Variants in PXDNL observed in about 807,000 individuals in gnomAD.
PXDNL encodes the protein peroxidasin like.
Under a neutral mutation model 150.8 loss-of-function variants are expected in PXDNL, and 145 were observed. The observed-to-expected ratio is 0.96, with a 90% CI of 0.84 to 1.10. PXDNL has a LOEUF of 1.10. PXDNL is among the 50% of genes least tolerant of loss of function. The pLI is 0.00. For synonymous variants in PXDNL, 757 were observed against 725.7 expected, an observed-to-expected ratio of 1.04 and a Z score of -0.69; for missense variants, 2,087 against 1,873.9, an observed-to-expected ratio of 1.11 and a Z score of -2.10.
intron 7 of PXDNL, 46 bp downstream of exon 7, chr8:51,474,926 A>C (rs6997795): frequency 0.14 from 203,056 of 1,435,362 alleles, 17,585 homozygotes; most frequent in African/African-American, 0.4. Context: ...AAAAGAGAGC[A>C]AATGAGAGAC....
rs1041973971 is a variant in PXDNL, at chr8:51,449,082, A to T, written c.1286T>A (p.Val429Glu). 1.3e-6 allele frequency: 2 copies of T among 1,552,542 alleles called. No homozygotes were observed. Among genetic ancestry groups the T allele is most frequent in the African/African-American group, 1.4e-5 (1 of 73,134 alleles). Reference protein sequence around the residue: ...PQFTVTPKDQVVLEEHAVEWL... With the variant: ...PQFTVTPKDQEVLEEHAVEWL... The stretch of plus-strand genomic sequence containing the variant: ...CTCTACAGCATGTTCTTCCAGCACC[A>T]CTTGATCCTTGGGGGTTACTGTAAA... Residue 429 changes from valine to glutamate, a missense_variant, in exon 11 of 23, where the codon GTG (valine) becomes GAG (glutamate). Physicochemically the swap from Val to Glu is moderately radical, Grantham distance 121 (BLOSUM62 -2). Transcript: ENST00000356297.
At chr8:51,363,549 G>C (rs140473906) in intron 19 of PXDNL, among the ~76,000 whole-genome samples, 1 of 152,258 alleles carries the variant, frequency 6.6e-6, no homozygotes, top group Non-Finnish European at 1.5e-5. Context: ...GAATGGAACA[G>C]AACAGGACAG....
intron 11 of PXDNL, 25 bp downstream of exon 11, chr8:51,448,977 C>T (rs1454392333): frequency 1.6e-6 from 2 of 1,242,392 alleles, no homozygotes; most frequent in South Asian, 2.6e-5. Flanking sequence ...TTTTTCCCCA[C>T]AATTACCTGC....
intron 17 of PXDNL, among the ~76,000 whole-genome samples, chr8:51,395,375 G>A (rs1808049511): frequency 6.6e-6 from 1 of 152,164 alleles, no homozygotes. Context: ...ATTCACTTGT[G>A]CTGCCTCTCC....
intron 4 of PXDNL, among the ~76,000 whole-genome samples, chr8:51,543,710 CAAAAAAAAAAAA>C (rs572642373): frequency 1.7e-5 from 1 of 60,442 alleles, no homozygotes; most frequent in Admixed American, 2.1e-4. Context: ...GACTCCATAT[CAAAAAAAAAAAA>C]AAAAAAAAAG....
chr8:51,689,120 T>TGCCA (rs1401898420), intron 1 of PXDNL, among the ~76,000 whole-genome samples: 1 of 152,202 alleles, frequency 6.6e-6, no homozygotes, highest in Non-Finnish European at 1.5e-5. Context: ...AACAGCAGGT[T>TGCCA]GCCAGCCCAC....
intron 4 of PXDNL, among the ~76,000 whole-genome samples, chr8:51,556,076 A>G (rs1222683804): frequency 6.6e-6 from 1 of 152,064 alleles, no homozygotes; most frequent in Non-Finnish European, 1.5e-5. Context: ...GTTCAAGACC[A>G]GACTGGCCAA....
intron 10 of PXDNL, among the ~76,000 whole-genome samples, chr8:51,451,637 T>C (rs1809810410): frequency 6.6e-6 from 1 of 152,200 alleles, no homozygotes; most frequent in African/African-American, 2.4e-5. Flanking sequence ...ATATCTTTCA[T>C]TGAAGCTTTT....
At chr8:51,649,603 A>T (rs1368524277) in intron 2 of PXDNL, among the ~76,000 whole-genome samples, 1 of 152,166 alleles carries the variant, frequency 6.6e-6, no homozygotes, top group African/African-American at 2.4e-5. Context: ...ATAAAGAGAA[A>T]ATCCCCTTAT....
intron 19 of PXDNL, among the ~76,000 whole-genome samples, chr8:51,366,043 T>G (rs560527814): frequency 6.6e-6 from 1 of 152,308 alleles, no homozygotes; most frequent in South Asian, 2.1e-4. Context: ...CACACAAAAT[T>G]ACTTGACATT....
chr8:51,769,265 C>A (rs1192496906), intron 1 of PXDNL, among the ~76,000 whole-genome samples: 1 of 152,098 alleles, frequency 6.6e-6, no homozygotes, highest in African/African-American at 2.4e-5. Flanking sequence ...TAGTTGAGAC[C>A]CAGAATCAGA....
At chr8:51,747,828 G>A (rs2037002193) in intron 1 of PXDNL, among the ~76,000 whole-genome samples, 1 of 152,156 alleles carries the variant, frequency 6.6e-6, no homozygotes, top group African/African-American at 2.4e-5. Context: ...ATTTGTTTGT[G>A]TATAAAAGTC....
intron 4 of PXDNL, among the ~76,000 whole-genome samples, chr8:51,504,166 A>C (rs898199516): frequency 6.6e-6 from 1 of 152,184 alleles, no homozygotes; most frequent in Admixed American, 6.5e-5. Flanking sequence ...TCCACACTAG[A>C]GCAAACTATA....
At chr8:51,668,193 T>TTTTTTTTTTTTTTTA (rs1585661243) in intron 1 of PXDNL, among the ~76,000 whole-genome samples, 1 of 144,554 alleles carries the variant, frequency 6.9e-6, no homozygotes, top group Non-Finnish European at 1.5e-5. Flanking sequence ...TTTTTTTTTT[T>TTTTTTTTTTTTTTTA]GAGACAGAGT....
chr8:51,450,081 C>T (rs1187488193), intron 10 of PXDNL, among the ~76,000 whole-genome samples: 1 of 152,196 alleles, frequency 6.6e-6, no homozygotes, highest in Non-Finnish European at 1.5e-5. Flanking sequence ...ATTCCCAGCA[C>T]TTAGAGTTCC....
At chr8:51,688,770 A>T (rs771036671) in intron 1 of PXDNL, among the ~76,000 whole-genome samples, 1 of 152,226 alleles carries the variant, frequency 6.6e-6, no homozygotes, top group Non-Finnish European at 1.5e-5. Context: ...AGGGGAACAG[A>T]TGTTTCCAAA....
chr8:51,698,841 A>G (rs1816195175), intron 1 of PXDNL, among the ~76,000 whole-genome samples: 1 of 152,258 alleles, frequency 6.6e-6, no homozygotes, highest in South Asian at 2.1e-4. Flanking sequence ...TGTATTAGCA[A>G]GCATGAAACC....
intron 20 of PXDNL, among the ~76,000 whole-genome samples, chr8:51,343,989 T>C (rs1489212410): frequency 6.6e-6 from 1 of 152,196 alleles, no homozygotes; most frequent in Non-Finnish European, 1.5e-5. Flanking sequence ...CACCCTGGAA[T>C]TTACAGCTCT....
intron 1 of PXDNL, among the ~76,000 whole-genome samples, chr8:51,770,197 G>A (rs1281633711): frequency 6.6e-6 from 1 of 152,144 alleles, no homozygotes; most frequent in Non-Finnish European, 1.5e-5. Flanking sequence ...TCCTCACTTA[G>A]CTGCCTTGTG....
Sources: gnomAD v4.1 joint callset for allele counts (sites outside exome capture counted in the v4.1 genomes callset) on GRCh38, gnomAD v4.1.1 for gene constraint, MANE v1.5 for transcripts, NCBI Gene and HGNC (gene_info 2026-07-23, HGNC 2026-07-21) for gene names.